The following RTN4RL1 variants were observed in gnomAD, a reference collection of about 807,000 sequenced individuals.
The protein encoded by RTN4RL1 is reticulon 4 receptor like 1.
Under a neutral mutation model 25.6 loss-of-function variants are expected in RTN4RL1, and 7 were observed. The ratio of observed to expected loss-of-function variants is 0.27; its 90% CI spans 0.16 to 0.51. RTN4RL1 has a LOEUF of 0.51. RTN4RL1 is among the 20% of genes least tolerant of loss of function. The pLI, the probability that RTN4RL1 is intolerant of heterozygous loss-of-function variation, is 0.97. For missense variants in RTN4RL1, 500 were observed against 615.6 expected (o/e 0.81, Z 1.99); for synonymous variants, 297 against 288.2 (o/e 1.03, Z -0.31).
At position 1,936,826 on chromosome 17, in the gene RTN4RL1, G is replaced by A; in HGVS notation, c.996C>T (p.Pro332=). The change falls in exon 2 of 2, where the codon CCC becomes CCT. Residue 332 remains proline (P), a synonymous_variant. Coordinates refer to ENST00000331238, the MANE Select transcript of RTN4RL1 (RefSeq NM_178568.4). Reference sequence around the variant, plus strand: ...GGCCCTTGCTCCTGGTGGGGCCGTGGGGTGAGTGGTGTTCCTTGCGGGCGG... The same window carrying A: ...GGCCCTTGCTCCTGGTGGGGCCGTGAGGTGAGTGGTGTTCCTTGCGGGCGG... ...DRAARKEHHS[P]HGPTRSKGHP... is the part of the protein sequence containing the mutation. 1 of 1,583,644 alleles carries A rather than the reference G, an allele frequency of 6.3e-7. No homozygotes were observed. Among genetic ancestry groups the A allele is most frequent in the Non-Finnish European group, 8.6e-7 (1 of 1,166,522 alleles).
intron 1 of RTN4RL1, among the ~76,000 whole-genome samples, chr17:1,974,185 A>G (rs2066832848): frequency 2.6e-5 from 4 of 152,160 alleles, no homozygotes; most frequent in Admixed American, 2.6e-4. Context: ...AAAAAAATAC[A>G]ACAAATTAGC....
intron 1 of RTN4RL1, among the ~76,000 whole-genome samples, chr17:1,987,873 A>G (rs572441301): frequency 6.6e-6 from 1 of 152,182 alleles, no homozygotes; most frequent in South Asian, 2.1e-4. Flanking sequence ...TGGGAGGCCA[A>G]GGCAGGTGGA....
At position 1,936,191 on chromosome 17, in the gene RTN4RL1, A is replaced by G; in HGVS notation, c.*305T>C. 8.3e-7 allele frequency: 1 copy of G among 1,204,318 alleles called. No homozygotes were observed. The highest frequency in any genetic ancestry group is 1.0e-6 in the Non-Finnish European group (1 of 967,514). 74.6% of individuals were successfully genotyped at this position (1,204,318 alleles called of 1,614,324 possible). A position where few individuals can be genotyped will look rare whatever the true frequency, so the allele number is the denominator to read the frequency against. ...TGCCGCCGTCGGGGGCAATTGTCCCACTGTTGCCAGTGGAGGATGCACTTG... is the reference window on the plus strand; with the variant it reads ...TGCCGCCGTCGGGGGCAATTGTCCCGCTGTTGCCAGTGGAGGATGCACTTG... On this transcript the variant is annotated 3_prime_UTR_variant, in exon 2 of 2. Coordinates refer to ENST00000331238, the MANE Select transcript of RTN4RL1 (RefSeq NM_178568.4).
intron 1 of RTN4RL1, among the ~76,000 whole-genome samples, chr17:2,022,900 G>A (rs973810099): frequency 6.6e-6 from 1 of 152,090 alleles, no homozygotes. Context: ...CTTGTGCAGG[G>A]TAAGGAGCCT....
At chr17:1,997,995 G>C (rs190394669) in intron 1 of RTN4RL1, among the ~76,000 whole-genome samples, 3,882 of 152,234 alleles carry the variant, frequency 0.026, 152 homozygotes, top group African/African-American at 0.085. Flanking sequence ...GCCTGGGGGC[G>C]GGCAGCGATG....
rs575501373 is a variant in RTN4RL1 at position 1,937,914 on chromosome 17, C to T, written c.14-106G>A. On this transcript the variant is annotated intron_variant, in intron 1 of 1. Transcript: ENST00000331238. ...ACGCATCCTCGTCTTGGCTGAGCTC[C>T]GTGAGAGCCTTGTCCCTGGCTGGAG... 1.0e-4 allele frequency: 95 copies of T among 921,808 alleles called. 2 individuals are homozygous for T. The South Asian group carries it at 1.5e-3, about 14-fold the overall frequency. The allele number at this position is 921,808 out of a possible 1,614,324, so 57.1% of individuals were successfully genotyped here.
intron 1 of RTN4RL1, among the ~76,000 whole-genome samples, chr17:1,965,961 C>T (rs977241539): frequency 6.6e-6 from 1 of 152,154 alleles, no homozygotes; most frequent in Non-Finnish European, 1.5e-5. Flanking sequence ...AGGCTCCCCA[C>T]TAAAGCTCCT....
intron 1 of RTN4RL1, among the ~76,000 whole-genome samples, chr17:1,996,763 T>C (rs913383612): frequency 2.6e-5 from 4 of 152,218 alleles, no homozygotes; most frequent in Non-Finnish European, 1.5e-5. Flanking sequence ...AAAAAACATG[T>C]CAACATTTTC....
chr17:2,011,675 TC>T (rs1165701104), intron 1 of RTN4RL1, among the ~76,000 whole-genome samples: 1 of 151,928 alleles, frequency 6.6e-6, no homozygotes, highest in African/African-American at 2.4e-5. Flanking sequence ...CTTGCAATAA[TC>T]CCCCATTTCC....
chr17:2,013,631 C>CTTGGGGTTTGATAGCTTTGAGGTGCGGGT (rs1567528138), intron 1 of RTN4RL1, among the ~76,000 whole-genome samples: 1 of 135,928 alleles, frequency 7.4e-6, no homozygotes, highest in African/African-American at 2.8e-5. Flanking sequence ...CTCCCTCACC[C>CTTGGGGTTTGATAGCTTTGAGGTGCGGGT]TGGAACATAA....
chr17:1,945,383 C>T (rs957673587), intron 1 of RTN4RL1, among the ~76,000 whole-genome samples: 7 of 152,146 alleles, frequency 4.6e-5, no homozygotes, highest in Admixed American at 1.3e-4. Flanking sequence ...CCACCATGCC[C>T]GGCTAATTTT....
At position 1,998,962 on chromosome 17, in the gene RTN4RL1, G is replaced by C. The variant is rs1010993001; in HGVS notation, c.13+25891C>G. Among the ~76,000 whole-genome samples, 1 of 152,068 alleles carries C rather than the reference G, an allele frequency of 6.6e-6. No homozygotes were observed. The highest frequency in any genetic ancestry group is 1.5e-5 in the Non-Finnish European group (1 of 68,018). ...TTCCAGTCGGCTGTGCACAACTGAA[G>C]AGCTGCTCCCCCTTCCCTGCACGAT... On this transcript the variant is annotated intron_variant, in intron 1 of 1. Transcript: ENST00000331238. The surrounding 1 kb of genome is among the most constrained non-coding windows in gnomAD (Gnocchi z 4.9).
intron 1 of RTN4RL1, among the ~76,000 whole-genome samples, chr17:1,969,578 T>C (rs1370196572): frequency 6.6e-6 from 1 of 152,204 alleles, no homozygotes; most frequent in Non-Finnish European, 1.5e-5. Flanking sequence ...CAGCCTCCAG[T>C]CAGGGCAGGC....
In RTN4RL1 at chr17:2,008,600, A is replaced by T. The variant is rs2067018948; in HGVS notation, c.13+16253T>A. ...GGTATGCATTTGGGAAGTTCAAAAA[A>T]ATTCTGTGGCTGTTGAGTCAACCAA... On this transcript the variant is annotated intron_variant, in intron 1 of 1. Coordinates refer to ENST00000331238, the MANE Select transcript of RTN4RL1 (RefSeq NM_178568.4). Among the ~76,000 whole-genome samples, 4 of 152,170 alleles carry T rather than the reference A, an allele frequency of 2.6e-5. No individual in the cohort carries two copies. The South Asian group carries it at 8.3e-4, about 32-fold the overall frequency.
At chr17:1,941,533 C>T (rs4567760) in intron 1 of RTN4RL1, among the ~76,000 whole-genome samples, 63,160 of 152,032 alleles carry the variant, frequency 0.42, 14,029 homozygotes, top group Middle Eastern at 0.53. Flanking sequence ...CAACAAGCCA[C>T]AGGCACCAGT....
In RTN4RL1 at chr17:1,998,185, CTA is replaced by C. The variant is rs1313357915; in HGVS notation, c.13+26666_13+26667del. Among the ~76,000 whole-genome samples the C allele has an allele frequency of 6.6e-6, 1 of 152,060 alleles. No individual in the cohort carries two copies. Among genetic ancestry groups the C allele is most frequent in the Admixed American group, 6.5e-5 (1 of 15,282 alleles). ...CTCCCTGGCCCGGATTAAATATTTA[CTA>C]TGTTTTGTTTGGCCTTTGGGGGAGG... On this transcript the variant is annotated intron_variant, in intron 1 of 1. Coordinates refer to ENST00000331238, the MANE Select transcript of RTN4RL1 (RefSeq NM_178568.4). The surrounding 1 kb of genome is among the most constrained non-coding windows in gnomAD (Gnocchi z 4.9).
chr17:1,953,830 G>A (rs1047183450), intron 1 of RTN4RL1, among the ~76,000 whole-genome samples: 10 of 152,208 alleles, frequency 6.6e-5, no homozygotes, highest in Admixed American at 2.6e-4. Context: ...CTCCCAAAGT[G>A]CTGGGATTAC....
At chr17:1,995,426 CAAAAAAAAAAAA>C (rs1036512075) in intron 1 of RTN4RL1, among the ~76,000 whole-genome samples, 3 of 63,272 alleles carry the variant, frequency 4.7e-5, no homozygotes, top group South Asian at 5.1e-4. Context: ...AACTCTGTCT[CAAAAAAAAAAAA>C]AAAAAAAAGA....
chr17:2,012,916 C>T (rs1356293216), intron 1 of RTN4RL1, among the ~76,000 whole-genome samples: 1 of 151,986 alleles, frequency 6.6e-6, no homozygotes, highest in African/African-American at 2.4e-5. Context: ...GCCTCAGCCT[C>T]CCAAGTAGCT....
Sources: gnomAD v4.1 joint callset for allele counts (sites outside exome capture counted in the v4.1 genomes callset) on GRCh38, gnomAD v4.1.1 for gene constraint, Gnocchi (gnomAD v3.1) non-coding constraint, MANE v1.5 for transcripts, NCBI Gene and HGNC (gene_info 2026-07-23, HGNC 2026-07-21) for gene names.